GNAO1: variants seen among roughly 807,000 people sequenced by gnomAD.
The protein encoded by GNAO1 is G protein subunit alpha o1.
For synonymous variants in GNAO1, 164 were observed against 180.7 expected, an observed-to-expected ratio of 0.91 and a Z score of 0.74; for missense variants, 166 against 478.7, an observed-to-expected ratio of 0.35 and a Z score of 6.10.
At chr16:56,340,611 C>A in intron 6 of GNAO1, 1 of 554,634 alleles carries the variant, frequency 1.8e-6, no homozygotes, top group Non-Finnish European at 3.2e-6. Context: ...CAACCCTGCC[C>A]GGCCCTGCTC....
chr16:56,336,549 G>A (rs752857891), intron 5 of GNAO1, 182 bp from the exon 6 acceptor site: 26 of 574,494 alleles, frequency 4.5e-5, no homozygotes, highest in Non-Finnish European at 6.5e-5. Context: ...TAGTGCCTGG[G>A]GATGGCAGTG....
intron 3 of GNAO1, among the ~76,000 whole-genome samples, chr16:56,282,935 G>C (rs528257679): frequency 1.2e-3 from 169 of 146,098 alleles, no homozygotes; most frequent in African/African-American, 3.8e-3. Flanking sequence ...CCCTCAGGAA[G>C]AAATTGAGAA....
intron 6 of GNAO1, chr16:56,341,045 C>T (rs538209584): frequency 1.4e-6 from 2 of 1,402,216 alleles, no homozygotes; most frequent in African/African-American, 2.8e-5. Context: ...TTCCCAAAGC[C>T]CAGTCCACCC....
Position 56,336,078 on chromosome 16 carries a change from G to T in GNAO1, c.594-653G>T, listed in dbSNP as rs555254020. Among the ~76,000 whole-genome samples, 10 of 152,284 alleles carry T rather than the reference G, an allele frequency of 6.6e-5. No individual in the cohort carries two copies. The South Asian group carries it at 2.1e-3, about 32-fold the overall frequency. On this transcript the variant is annotated intron_variant, in intron 5 of 8. Coordinates refer to ENST00000262493, the MANE Select transcript of GNAO1 (RefSeq NM_020988.3). ...GTGGGAGACTGACCTTTTACTTCCA[G>T]GACGTAAGTCCCACCTGCCCACAGT...
At chr16:56,289,573 T>A (rs2037210169) in intron 3 of GNAO1, among the ~76,000 whole-genome samples, 1 of 152,122 alleles carries the variant, frequency 6.6e-6, no homozygotes, top group Non-Finnish European at 1.5e-5. Context: ...TGCAAAGCTG[T>A]CAGTTTTAGT....
At chr16:56,319,282 G>A (rs151282788) in intron 3 of GNAO1, among the ~76,000 whole-genome samples, 22 of 152,234 alleles carry the variant, frequency 1.4e-4, no homozygotes, top group Middle Eastern at 6.8e-3. Flanking sequence ...TATCCTTTTC[G>A]CTCAGGTTCT....
intron 3 of GNAO1, among the ~76,000 whole-genome samples, chr16:56,284,065 C>A (rs1197956774): frequency 1.3e-5 from 2 of 152,206 alleles, no homozygotes; most frequent in African/African-American, 4.8e-5. Flanking sequence ...TTTGGGGACT[C>A]ATTTTCTTTC....
intron 5 of GNAO1, among the ~76,000 whole-genome samples, chr16:56,335,425 C>T (rs1331968907): frequency 1.3e-5 from 2 of 152,202 alleles, no homozygotes; most frequent in East Asian, 3.8e-4. Context: ...TTCCCAGGGT[C>T]CTGCTGCAGC....
At chr16:56,310,044 G>T (rs564043736) in intron 3 of GNAO1, among the ~76,000 whole-genome samples, 5 of 128,048 alleles carry the variant, frequency 3.9e-5, no homozygotes, top group East Asian at 2.0e-4. Flanking sequence ...AGATGCAGTG[G>T]CTTATACCTA....
intron 2 of GNAO1, among the ~76,000 whole-genome samples, chr16:56,253,802 A>G (rs1486672556): frequency 1.3e-5 from 2 of 152,206 alleles, no homozygotes; most frequent in African/African-American, 4.8e-5. Flanking sequence ...TGAAGGGGCC[A>G]GACCTGGGCC....
chr16:56,232,663 C>T (rs1210357539), intron 2 of GNAO1, among the ~76,000 whole-genome samples: 1 of 152,172 alleles, frequency 6.6e-6, no homozygotes, highest in African/African-American at 2.4e-5. Context: ...ACCCAACAGA[C>T]CACTCACACA....
chr16:56,324,507 G>T (rs149473510), intron 3 of GNAO1, among the ~76,000 whole-genome samples: 151 of 152,354 alleles, frequency 9.9e-4, no homozygotes, highest in Non-Finnish European at 1.9e-3. Flanking sequence ...AAGATTGCCC[G>T]AGGTCAGCCA....
chr16:56,236,701 A>T (rs2036640271), intron 2 of GNAO1, among the ~76,000 whole-genome samples: 2 of 152,204 alleles, frequency 1.3e-5, no homozygotes, highest in South Asian at 4.1e-4. Flanking sequence ...CATTATAGTT[A>T]CACCAGCGCT....
intron 2 of GNAO1, among the ~76,000 whole-genome samples, chr16:56,199,091 G>A (rs1416350599): frequency 2.6e-5 from 4 of 152,144 alleles, no homozygotes; most frequent in Non-Finnish European, 4.4e-5. Flanking sequence ...TGTTGTCAAC[G>A]GTGTATGAAA....
At chr16:56,227,085 G>C (rs2036538735) in intron 2 of GNAO1, among the ~76,000 whole-genome samples, 1 of 152,194 alleles carries the variant, frequency 6.6e-6, no homozygotes, top group South Asian at 2.1e-4. Context: ...AAAGAGGAAG[G>C]TGGGGAGGGG....
In GNAO1 at chr16:56,329,487, C is replaced by T. The variant is rs149523500; in HGVS notation, c.464+696C>T. 5.1e-3 allele frequency among the ~76,000 whole-genome samples: 770 copies of T among 152,248 alleles called. 6 individuals carry two copies. Among genetic ancestry groups the T allele is most frequent in the African/African-American group, 0.018 (737 of 41,542 alleles). ...CAGCAGGTCACAGGTCCACTGGCTG[C>T]AGCTTTATCACTCTAGGCATCTCCA... is the stretch of plus-strand genomic sequence containing the variant. On this transcript the variant is annotated intron_variant, in intron 4 of 8. Transcript: ENST00000262493.
intron 2 of GNAO1, among the ~76,000 whole-genome samples, chr16:56,208,997 T>C (rs561491467): frequency 1.1e-4 from 16 of 152,372 alleles, no homozygotes; most frequent in African/African-American, 3.6e-4. Context: ...GTAGTCATTC[T>C]TTCAGTCTCC....
chr16:56,222,856 C>A (rs1233541685), intron 2 of GNAO1, among the ~76,000 whole-genome samples: 1 of 152,102 alleles, frequency 6.6e-6, no homozygotes, highest in Non-Finnish European at 1.5e-5. Context: ...ATAATGATAG[C>A]TAGCATGTTT....
At chr16:56,320,611 C>G (rs557651006) in intron 3 of GNAO1, among the ~76,000 whole-genome samples, 1 of 152,164 alleles carries the variant, frequency 6.6e-6, no homozygotes. Flanking sequence ...GGAGGCTCCT[C>G]GAAGGGTGTG....
Sources: allele counts gnomAD v4.1 joint callset (sites outside exome capture counted in the v4.1 genomes callset), GRCh38; gene constraint gnomAD v4.1.1; transcripts MANE v1.5; gene names NCBI Gene and HGNC (gene_info 2026-07-23, HGNC 2026-07-21).